RNF146: variants seen among roughly 807,000 people sequenced by gnomAD.
The protein encoded by RNF146 is ring finger protein 146, also known as E3 ubiquitin-protein ligase RNF146.
In RNF146, 11 loss-of-function variants were observed where a neutral mutation model predicts 29.7. That is an observed-to-expected ratio of 0.37 (90% confidence interval 0.23 to 0.61). The LOEUF (loss-of-function observed/expected upper bound fraction) is 0.61. Among genes scored for constraint, RNF146 ranks in the 20% least tolerant of loss-of-function variants. The pLI, the probability that RNF146 is intolerant of heterozygous loss-of-function variation, is 0.66. For missense variants in RNF146, 342 were observed against 438.9 expected (o/e 0.78, Z 1.97); for synonymous variants, 150 against 159.7 (o/e 0.94, Z 0.46).
intron 1 of RNF146, among the ~76,000 whole-genome samples, chr6:127,276,531 G>C (rs9401945): frequency 0.13 from 19,775 of 151,834 alleles, 2,553 homozygotes; most frequent in East Asian, 0.56. Context: ...AGATATGAGG[G>C]GGCCAAGGGT....
At position 127,267,415 on chromosome 6, in the gene RNF146, C is replaced by T. The variant is rs895164967; in HGVS notation, c.-109+490C>T. On this transcript the variant is annotated intron_variant, in intron 1 of 2. Transcript: ENST00000368314. ...GTGGTTTTAGGCCTTTACCCGGGGA[C>T]CTTCTGGCCTCGAGGTGTAGGGGCG... Among the ~76,000 whole-genome samples the T allele has an allele frequency of 2.0e-5, 3 of 152,314 alleles. 1 individual carries two copies. Among genetic ancestry groups the T allele is most frequent in the Middle Eastern group, 6.8e-3 (2 of 294 alleles).
chr6:127,270,838 A>T (rs1374925571), intron 1 of RNF146, among the ~76,000 whole-genome samples: 1 of 148,610 alleles, frequency 6.7e-6, no homozygotes, highest in African/African-American at 2.5e-5. Flanking sequence ...TTTTTTTGAG[A>T]TGGAGTCTTG....
chr6:127,275,900 T>G (rs1778144675), intron 1 of RNF146, among the ~76,000 whole-genome samples: 1 of 152,104 alleles, frequency 6.6e-6, no homozygotes, highest in Non-Finnish European at 1.5e-5. Flanking sequence ...AGAGACTAAT[T>G]ATTTACAGTT....
intron 1 of RNF146, among the ~76,000 whole-genome samples, chr6:127,272,448 A>AT (rs1166272368): frequency 6.6e-6 from 1 of 152,134 alleles, no homozygotes; most frequent in Non-Finnish European, 1.5e-5. Flanking sequence ...ACTTTGAAAA[A>AT]ATTATTCATG....
intron 1 of RNF146, among the ~76,000 whole-genome samples, chr6:127,276,416 C>T (rs1311278686): frequency 1.3e-5 from 2 of 151,788 alleles, no homozygotes; most frequent in African/African-American, 4.8e-5. Flanking sequence ...AGGACTTTCT[C>T]TTTTTCTCCA....
chr6:127,279,897 A>G (rs1348023011), intron 1 of RNF146, among the ~76,000 whole-genome samples: 1 of 151,800 alleles, frequency 6.6e-6, no homozygotes, highest in Non-Finnish European at 1.5e-5. Context: ...CTCCTGGTGT[A>G]TCAGAACACA....
At position 127,286,601 on chromosome 6, in the gene RNF146, T is replaced by C. The variant is rs370694567; in HGVS notation, c.3-15T>C. On this transcript the variant is annotated splice_polypyrimidine_tract_variant and intron_variant, in intron 2 of 2. Transcript: ENST00000368314. This position sits in a 1 kb window ranked among gnomAD's most constrained non-coding sequence, Gnocchi z 4.6. ...ATTAAAACATGACTTTAATATTATA[T>C]GTATTTTTTCTTAGGATGGCTGGCT... The C allele has an allele frequency of 1.1e-5, 18 of 1,587,158 alleles. No individual in the cohort carries two copies. The highest frequency in any genetic ancestry group is 1.5e-5 in the Non-Finnish European group (18 of 1,166,454).
chr6:127,271,196 A>G (rs990786610), intron 1 of RNF146, among the ~76,000 whole-genome samples: 14 of 152,302 alleles, frequency 9.2e-5, no homozygotes, highest in African/African-American at 3.4e-4. Context: ...CAAAACATAT[A>G]TTAATCCACT....
chr6:127,275,441 A>T (rs9388558), intron 1 of RNF146, among the ~76,000 whole-genome samples: 19,803 of 152,036 alleles, frequency 0.13, 2,553 homozygotes, highest in East Asian at 0.56. Context: ...TAATCCTTTG[A>T]TATTCTGTTC....
intron 1 of RNF146, among the ~76,000 whole-genome samples, chr6:127,273,781 A>C (rs1459772031): frequency 1.3e-5 from 2 of 152,126 alleles, no homozygotes; most frequent in African/African-American, 4.8e-5. Context: ...AAATTGAAGA[A>C]ATAGGCTAAA....
chr6:127,283,314 A>G (rs1385233925), intron 2 of RNF146, among the ~76,000 whole-genome samples: 6 of 151,964 alleles, frequency 3.9e-5, no homozygotes, highest in Non-Finnish European at 5.9e-5. Context: ...TCTGTGTATT[A>G]AATTCTTAGT....
At chr6:127,280,172 A>G in intron 1 of RNF146, 59 bp from the exon 2 acceptor site, 1 of 595,596 alleles carries the variant, frequency 1.7e-6, no homozygotes, top group Non-Finnish European at 2.8e-6. Context: ...ATTTTTTGAA[A>G]GGATTATACA....
chr6:127,285,392 T>C, intron 2 of RNF146: 1 of 948,918 alleles, frequency 1.1e-6, no homozygotes, highest in Non-Finnish European at 1.3e-6. Flanking sequence ...TACTGACCCA[T>C]TTAGAATGGC....
At chr6:127,278,270 T>C (rs1778492523) in intron 1 of RNF146, among the ~76,000 whole-genome samples, 1 of 151,978 alleles carries the variant, frequency 6.6e-6, no homozygotes, top group African/African-American at 2.4e-5. Flanking sequence ...GTTAATTTCA[T>C]TTACAATGTT....
intron 2 of RNF146, among the ~76,000 whole-genome samples, chr6:127,282,708 T>C (rs1046999317): frequency 2.0e-5 from 3 of 151,692 alleles, no homozygotes; most frequent in Non-Finnish European, 3.0e-5. Flanking sequence ...CCTCCTGCAT[T>C]ACCAAACTTT....
At chr6:127,272,865 A>G (rs893721709) in intron 1 of RNF146, among the ~76,000 whole-genome samples, 5 of 152,242 alleles carry the variant, frequency 3.3e-5, no homozygotes, top group Admixed American at 1.3e-4. Flanking sequence ...GTTGTTTGTT[A>G]TATGCATTAC....
At position 127,286,216 on chromosome 6, in the gene RNF146, A is replaced by G; in HGVS notation, c.3-400A>G. ...GACTAATGGTTTAACTGAGTGCCTA[A>G]GAGCACATAATTAATAAAGGACTCT... On this transcript the variant is annotated intron_variant, in intron 2 of 2. Coordinates refer to ENST00000368314, the MANE Select transcript of RNF146 (RefSeq NM_001242850.2). This position sits in a 1 kb window ranked among gnomAD's most constrained non-coding sequence, Gnocchi z 4.6. The G allele has an allele frequency of 8.2e-7, 1 of 1,226,340 alleles. No individual in the cohort carries two copies. The highest frequency in any genetic ancestry group is 1.0e-6 in the Non-Finnish European group (1 of 982,236). 76.0% of individuals were successfully genotyped at this position (1,226,340 alleles called of 1,614,324 possible). A position where few individuals can be genotyped will look rare whatever the true frequency, so the allele number is the denominator to read the frequency against.
chr6:127,280,383 A>G (rs1180840318), intron 2 of RNF146, 43 bp downstream of exon 2: 4 of 1,542,798 alleles, frequency 2.6e-6, no homozygotes, highest in Non-Finnish European at 3.5e-6. Context: ...GCAGTAAATT[A>G]AATGGATTGG....
At position 127,287,568 on chromosome 6, in the gene RNF146, A is replaced by C; in HGVS notation, c.955A>C (p.Asn319His). 6.2e-7 allele frequency: 1 copy of C among 1,613,084 alleles called. No individual in the cohort carries two copies. The highest frequency in any genetic ancestry group is 8.5e-7 in the Non-Finnish European group (1 of 1,179,486). Residue 319 changes from asparagine to histidine, a missense_variant, in exon 3 of 3, where the codon AAC becomes CAC. Asn to His is a moderately conservative substitution (Grantham distance 68, BLOSUM62 1). Coordinates refer to ENST00000368314, the MANE Select transcript of RNF146 (RefSeq NM_001242850.2). ...TQQRLLVSNA[N>H]QTVPDRSDRS... ...ACAGAGACTTTTGGTTTCTAATGCAAACCAGACAGTACCCGATCGATCAGA... is the reference window on the plus strand; with the variant it reads ...ACAGAGACTTTTGGTTTCTAATGCACACCAGACAGTACCCGATCGATCAGA...
Sources: gnomAD v4.1 joint callset for allele counts (sites outside exome capture counted in the v4.1 genomes callset) on GRCh38, gnomAD v4.1.1 for gene constraint, Gnocchi (gnomAD v3.1) non-coding constraint, MANE v1.5 for transcripts, NCBI Gene and HGNC (gene_info 2026-07-23, HGNC 2026-07-21) for gene names.